SHANK2: variants seen among roughly 807,000 people sequenced by gnomAD.
SHANK2 encodes the protein SH3 and multiple ankyrin repeat domains protein 2.
SHANK2 carries 43 observed loss-of-function variants against 133.7 expected under a neutral mutation model. The ratio of observed to expected loss-of-function variants is 0.32; its 90% CI spans 0.25 to 0.41. The LOEUF is 0.41. Ranked by LOEUF, SHANK2 falls within the 10% of genes least tolerant of loss-of-function variation. SHANK2 has a pLI of 1.00. For missense variants in SHANK2, 1,994 were observed against 2,235.8 expected, an observed-to-expected ratio of 0.89 and a Z score of 2.18; for synonymous variants, 1,017 against 952.8, an observed-to-expected ratio of 1.07 and a Z score of -1.24.
intron 17 of SHANK2, among the ~76,000 whole-genome samples, chr11:70,522,593 C>T (rs1187264531): frequency 6.6e-6 from 1 of 152,222 alleles, no homozygotes; most frequent in Admixed American, 6.5e-5. Context: ...TACCCAGGGC[C>T]TCCGAGTCCC....
At chr11:71,156,874 C>T (rs1171234719) in intron 2 of SHANK2, among the ~76,000 whole-genome samples, 2 of 152,104 alleles carry the variant, frequency 1.3e-5, no homozygotes, top group Admixed American at 1.3e-4. Flanking sequence ...TCTGAGTTGC[C>T]CATAGTCCCT....
chr11:70,861,442 T>C (rs1297445597), intron 11 of SHANK2, among the ~76,000 whole-genome samples: 13 of 152,186 alleles, frequency 8.5e-5, no homozygotes, highest in African/African-American at 3.1e-4. Flanking sequence ...GAGGCAGAAT[T>C]ATTGTGTGTT....
intron 14 of SHANK2, among the ~76,000 whole-genome samples, chr11:70,748,226 A>G (rs1187533790): frequency 6.6e-6 from 1 of 152,148 alleles, no homozygotes; most frequent in African/African-American, 2.4e-5. Context: ...TACCCACCAC[A>G]GACAAACCCT....
intron 9 of SHANK2, among the ~76,000 whole-genome samples, chr11:71,059,351 G>C (rs1950959968): frequency 6.6e-6 from 1 of 152,230 alleles, no homozygotes; most frequent in African/African-American, 2.4e-5. Flanking sequence ...GGTTGTGATG[G>C]TTGTTGGTGG....
chr11:70,614,328 T>TTTTA (rs61147771), intron 17 of SHANK2, among the ~76,000 whole-genome samples: 4 of 151,516 alleles, frequency 2.6e-5, no homozygotes, highest in African/African-American at 4.8e-5. Context: ...TTTTTTTTTT[T>TTTTA]GAGACAGAGT....
chr11:70,580,574 G>A (rs1210044950), intron 17 of SHANK2, among the ~76,000 whole-genome samples: 1 of 152,234 alleles, frequency 6.6e-6, no homozygotes, highest in Non-Finnish European at 1.5e-5. Context: ...GTGGGCACCT[G>A]GTGGCACCCA....
chr11:70,658,920 T>C (rs1312009055), intron 17 of SHANK2, among the ~76,000 whole-genome samples: 2 of 152,342 alleles, frequency 1.3e-5, no homozygotes, highest in South Asian at 2.1e-4. Flanking sequence ...CAGGGTGACA[T>C]GGAAGAGCGC....
chr11:70,690,007 G>T (rs1245068930), intron 15 of SHANK2, among the ~76,000 whole-genome samples: 3 of 152,122 alleles, frequency 2.0e-5, no homozygotes, highest in African/African-American at 7.2e-5. Flanking sequence ...AGACAGGGAG[G>T]TTACATTCCA....
At chr11:70,743,684 G>C (rs578072522) in intron 14 of SHANK2, among the ~76,000 whole-genome samples, 55 of 152,126 alleles carry the variant, frequency 3.6e-4, no homozygotes, top group Non-Finnish European at 6.6e-4. Flanking sequence ...GGCCGGGAGA[G>C]CCCCCACGGG....
rs1052730927 is a variant in SHANK2 at position 70,919,105 on chromosome 11, A to G, written c.1108-22538T>C. ...CTGGATCCCAGGAGATCGAGGCTGC[A>G]GTGAGCCGTGATCACCCCACTATAC... is the stretch of plus-strand genomic sequence containing the variant. On this transcript the variant is annotated intron_variant, in intron 10 of 25. Coordinates refer to ENST00000601538, the MANE Select transcript of SHANK2 (RefSeq NM_012309.5). Among the ~76,000 whole-genome samples, 4 of 152,176 alleles carry G rather than the reference A, an allele frequency of 2.6e-5. No individual in the cohort carries two copies. The East Asian group carries it at 7.7e-4, about 29-fold the overall frequency.
At position 70,933,914 on chromosome 11, in the gene SHANK2, AC is replaced by A. The variant is rs1331458997; in HGVS notation, c.1108-37348del. 3.6e-3 allele frequency among the ~76,000 whole-genome samples: 523 copies of A among 144,906 alleles called. 1 individual carries two copies. Among genetic ancestry groups the A allele is most frequent in the African/African-American group, 0.012 (449 of 37,686 alleles). ...GACTGTGTCTCAAAAAAAAAAAAAA[AC>A]AAAAAACAAACAAACAAACAAACAA... On this transcript the variant is annotated intron_variant, in intron 10 of 25. Coordinates refer to ENST00000601538, the MANE Select transcript of SHANK2 (RefSeq NM_012309.5).
At chr11:70,936,940 C>G (rs1555083531) in intron 10 of SHANK2, among the ~76,000 whole-genome samples, 1 of 152,214 alleles carries the variant, frequency 6.6e-6, no homozygotes, top group African/African-American at 2.4e-5. Flanking sequence ...CTCCTTGGTA[C>G]TGACTCTTCC....
chr11:70,942,520 C>T, intron 10 of SHANK2: 1 of 456,558 alleles, frequency 2.2e-6, no homozygotes, highest in African/African-American at 2.0e-5. Context: ...TAGGTCCCAC[C>T]TCCCAACACC....
intron 17 of SHANK2, among the ~76,000 whole-genome samples, chr11:70,642,388 C>A (rs2061195828): frequency 6.6e-6 from 1 of 152,206 alleles, no homozygotes; most frequent in Admixed American, 6.5e-5. Flanking sequence ...AATGTCCTAG[C>A]TAACAAACCA....
chr11:70,938,543 T>C (rs1376848025), intron 10 of SHANK2, among the ~76,000 whole-genome samples: 2 of 152,202 alleles, frequency 1.3e-5, no homozygotes, highest in East Asian at 1.9e-4. Context: ...CACTAAGATT[T>C]AGCCAAAGAA....
chr11:70,675,193 G>C (rs555454924), intron 15 of SHANK2, among the ~76,000 whole-genome samples: 22 of 152,196 alleles, frequency 1.4e-4, no homozygotes, highest in South Asian at 2.1e-4. Flanking sequence ...TTTATGCTCT[G>C]GTTGGCTCCA....
intron 10 of SHANK2, among the ~76,000 whole-genome samples, chr11:70,900,779 C>A (rs1440512882): frequency 6.6e-6 from 1 of 152,142 alleles, no homozygotes; most frequent in Non-Finnish European, 1.5e-5. Context: ...CACTGCCCGC[C>A]CTATGCTTGG....
At chr11:71,106,127 A>T (rs1207129973) in intron 6 of SHANK2, among the ~76,000 whole-genome samples, 2 of 152,250 alleles carry the variant, frequency 1.3e-5, no homozygotes, top group African/African-American at 2.4e-5. Context: ...ATTTTCTGTC[A>T]GCCTAAAACT....
At chr11:70,574,368 G>A (rs967428636) in intron 17 of SHANK2, among the ~76,000 whole-genome samples, 1 of 152,252 alleles carries the variant, frequency 6.6e-6, no homozygotes, top group Admixed American at 6.5e-5. Context: ...GCAACATCAG[G>A]GTAGGGGGTG....
Sources: gnomAD v4.1 joint callset for allele counts (sites outside exome capture counted in the v4.1 genomes callset) on GRCh38, gnomAD v4.1.1 for gene constraint, MANE v1.5 for transcripts, NCBI Gene and HGNC (gene_info 2026-07-23, HGNC 2026-07-21) for gene names.